NKAP: variants seen among roughly 807,000 people sequenced by gnomAD.
NKAP encodes the protein NFKB activating protein.
In NKAP, 4 loss-of-function variants were observed where a neutral mutation model predicts 35.6. The observed-to-expected ratio is 0.11, with a 90% CI of 0.06 to 0.26. The LOEUF (loss-of-function observed/expected upper bound fraction) is 0.26. Ranked by LOEUF, NKAP falls within the 10% of genes least tolerant of loss-of-function variation. NKAP has a pLI of 1.00. For synonymous variants in NKAP, 106 were observed against 119.2 expected (o/e 0.89, Z 0.72); for missense variants, 238 against 321.9 (o/e 0.74, Z 1.99).
At chrX:119,928,738 T>G (rs1157226947) in intron 8 of NKAP, among the ~76,000 whole-genome samples, 1 of 110,888 alleles carries the variant, frequency 9.0e-6, no homozygotes, top group African/African-American at 3.3e-5. Context: ...TTTTTGTATT[T>G]TTGGTAAAGA....
At chrX:119,932,390 T>C (rs1178012107) in intron 5 of NKAP, 174 bp from the exon 6 acceptor site, 7 of 348,711 alleles carry the variant, frequency 2.0e-5, no homozygotes, top group East Asian at 1.9e-4. Flanking sequence ...ACTTACAAGA[T>C]AATTTTACTT....
At chrX:119,934,603 CT>C in intron 4 of NKAP, 46 bp from the exon 5 acceptor site, 1 of 942,145 alleles carries the variant, frequency 1.1e-6, no homozygotes, top group Non-Finnish European at 1.5e-6. Context: ...TTTTTTAACT[CT>C]AAAACCGTAG....
chrX:119,941,616 CTTTGT>C (rs2056793682), intron 1 of NKAP, among the ~76,000 whole-genome samples: 1 of 108,562 alleles, frequency 9.2e-6, no homozygotes, highest in Non-Finnish European at 1.9e-5. Flanking sequence ...CTGTTCTTCT[CTTTGT>C]TTTTTTTTGT....
intron 7 of NKAP, 50 bp downstream of exon 7, chrX:119,931,886 C>T (rs777224138): frequency 7.0e-6 from 7 of 1,002,204 alleles, no homozygotes; most frequent in Non-Finnish European, 9.7e-6. Context: ...TAAGTTAGAA[C>T]CAGACTTTTT....
chrX:119,926,114 G>A (rs2056712052), intron 8 of NKAP, among the ~76,000 whole-genome samples: 1 of 100,806 alleles, frequency 9.9e-6, no homozygotes. Flanking sequence ...CCGCCACCGC[G>A]CCCGGCTAAT....
In NKAP at chrX:119,923,735, A is replaced by G. The variant is rs2147842080; in HGVS notation, c.*1485T>C. Reference sequence around the variant, plus strand: ...TTTGGGAGGCCAAGGCGGGCGGATCACCTGGGGTTGGGAGTTCGAGACCAG... The same window carrying G: ...TTTGGGAGGCCAAGGCGGGCGGATCGCCTGGGGTTGGGAGTTCGAGACCAG... On this transcript the variant is annotated 3_prime_UTR_variant, in exon 9 of 9. Coordinates refer to ENST00000371410, the MANE Select transcript of NKAP (RefSeq NM_024528.4). 8.9e-6 allele frequency: 1 copy of G among 112,286 alleles called. No homozygotes were observed. Among genetic ancestry groups the G allele is most frequent in the Admixed American group, 9.5e-5 (1 of 10,543 alleles). The allele number at this position is 112,286 out of a possible 1,213,427, so 9.3% of individuals were successfully genotyped here. A position where few individuals can be genotyped will look rare whatever the true frequency, so the allele number is the denominator to read the frequency against.
At position 119,943,411 on chromosome X, in the gene NKAP, T is replaced by C. The variant is rs2056803394; in HGVS notation, c.195A>G (p.Gln65=). 1 of 1,210,410 alleles carries C rather than the reference T, an allele frequency of 8.3e-7. No homozygotes were observed. The highest frequency in any genetic ancestry group is 1.1e-6 in the Non-Finnish European group (1 of 894,522). Residue 65 remains glutamine, a synonymous_variant, in exon 1 of 9, where the codon CAA becomes CAG. Transcript: ENST00000371410. ...AGCGGTAGGACTGGTTTCGGGAGCCTTGGCTGAGGCCACCCAGCTGATGGG... is the reference window on the plus strand; with the variant it reads ...AGCGGTAGGACTGGTTTCGGGAGCCCTGGCTGAGGCCACCCAGCTGATGGG... ...GLTHQLGGLS[Q]GSRNQSYRSR...
chrX:119,941,489 A>T (rs194316), intron 1 of NKAP, among the ~76,000 whole-genome samples: 15,988 of 111,613 alleles, frequency 0.14, 1,042 homozygotes, highest in South Asian at 0.34. Flanking sequence ...TTAATGATGA[A>T]GAAATGGAGC....
chrX:119,930,743 G>T (rs896886270), intron 7 of NKAP, among the ~76,000 whole-genome samples: 1 of 110,709 alleles, frequency 9.0e-6, no homozygotes, highest in Non-Finnish European at 1.9e-5. Flanking sequence ...ACTTGAACCT[G>T]GGAGGCAGAG....
intron 7 of NKAP, among the ~76,000 whole-genome samples, chrX:119,930,386 A>C (rs2056734361): frequency 8.9e-6 from 1 of 112,504 alleles, no homozygotes; most frequent in South Asian, 3.6e-4. Flanking sequence ...ACTAACCCAG[A>C]AATGCAGAAA....
At chrX:119,938,440 T>C (rs771670221) in intron 2 of NKAP, among the ~76,000 whole-genome samples, 10 of 104,271 alleles carry the variant, frequency 9.6e-5, no homozygotes, top group Non-Finnish European at 1.5e-4. Context: ...CTGAGTTTAG[T>C]TGAGAAAAAA....
Position 119,943,195 on chromosome X carries a change from G to C in NKAP, c.386+25C>G, listed in dbSNP as rs775940975. On this transcript the variant is annotated intron_variant, in intron 1 of 8. Coordinates refer to ENST00000371410, the MANE Select transcript of NKAP (RefSeq NM_024528.4). ...TCCAAAGGCACGTAGGCTCGTACAA[G>C]AGAAAGTGCGGCCGTCTCACTCACT... The C allele has an allele frequency of 8.6e-6, 10 of 1,157,065 alleles. No homozygotes were observed. The South Asian group carries it at 2.0e-4, about 23-fold the overall frequency.
chrX:119,940,889 C>T (rs1034198905), intron 1 of NKAP, among the ~76,000 whole-genome samples: 4 of 111,678 alleles, frequency 3.6e-5, no homozygotes, highest in African/African-American at 1.3e-4. Context: ...TGGCCGGGCC[C>T]AGCACTTTGG....
chrX:119,942,671 G>C (rs1185146323), intron 1 of NKAP, among the ~76,000 whole-genome samples: 3 of 111,118 alleles, frequency 2.7e-5, no homozygotes, highest in Non-Finnish European at 5.7e-5. Context: ...TTGTCTGAGG[G>C]GAAGGTTTAT....
chrX:119,939,898 C>CAA (rs1214924807), intron 1 of NKAP, among the ~76,000 whole-genome samples: 1 of 92,873 alleles, frequency 1.1e-5, no homozygotes. Context: ...GACTCCGTCT[C>CAA]AAAAAAAAAA....
At chrX:119,936,538 A>G (rs2056767340) in intron 3 of NKAP, 74 bp downstream of exon 3, 4 of 1,000,096 alleles carry the variant, frequency 4.0e-6, no homozygotes, top group Non-Finnish European at 2.7e-6. Context: ...ATGTTCAACT[A>G]TTTACAAACT....
At chrX:119,930,620 A>G (rs760682944) in intron 7 of NKAP, among the ~76,000 whole-genome samples, 1 of 110,754 alleles carries the variant, frequency 9.0e-6, no homozygotes, top group Non-Finnish European at 1.9e-5. Context: ...GGAGCTTGAG[A>G]GCAGCCTGGC....
chrX:119,927,267 T>C (rs912867046), intron 8 of NKAP, among the ~76,000 whole-genome samples: 64 of 107,598 alleles, frequency 5.9e-4, no homozygotes, highest in Non-Finnish European at 1.0e-3. Context: ...AGTTCTTTCT[T>C]TCCCCATTGA....
intron 1 of NKAP, among the ~76,000 whole-genome samples, chrX:119,939,661 G>A (rs1457547241): frequency 2.7e-5 from 3 of 110,914 alleles, no homozygotes; most frequent in African/African-American, 9.8e-5. Context: ...CACTTTGGGA[G>A]GCTGAGGCGG....
Sources: allele counts gnomAD v4.1 joint callset (sites outside exome capture counted in the v4.1 genomes callset), GRCh38; gene constraint gnomAD v4.1.1; transcripts MANE v1.5; gene names NCBI Gene and HGNC (gene_info 2026-07-23, HGNC 2026-07-21).